The following AZIN2 variants were observed in gnomAD, a reference collection of about 807,000 sequenced individuals.
The protein encoded by AZIN2 is ODC antizyme inhibitor-2.
In AZIN2, 28 loss-of-function variants were observed where a neutral mutation model predicts 47.8. The observed-to-expected ratio is 0.59, with a 90% CI of 0.43 to 0.80. The LOEUF is 0.80. Ranked by LOEUF, AZIN2 falls within the 30% of genes least tolerant of loss-of-function variation. The pLI is 0.00. For synonymous variants in AZIN2, 221 were observed against 239.4 expected (o/e 0.92, Z 0.71); for missense variants, 535 against 582.5 (o/e 0.92, Z 0.84).
chr1:33,161,058 T>C, the AZIN2 span, among the ~76,000 whole-genome samples: 2 of 152,274 alleles, frequency 1.3e-5, no homozygotes, highest in South Asian at 2.1e-4. This position sits in a 1 kb window ranked among gnomAD's most constrained non-coding sequence, Gnocchi z 4.3. Flanking sequence ...GCCTAAGAGC[T>C]GTGAACCTTA....
the AZIN2 span, among the ~76,000 whole-genome samples, chr1:33,135,103 T>G: frequency 6.6e-6 from 1 of 152,124 alleles, no homozygotes. Context: ...CTGGCCAACA[T>G]GGTGAAACCC....
the AZIN2 span, chr1:33,147,509 C>T: frequency 3.1e-6 from 5 of 1,613,396 alleles, no homozygotes; most frequent in South Asian, 1.1e-5. The surrounding 1 kb of genome is among the most constrained non-coding windows in gnomAD (Gnocchi z 8.1). Flanking sequence ...TGTGCCAGCC[C>T]GATCACCCAC....
At chr1:33,086,185 T>A (rs924944545) in intron 5 of AZIN2, among the ~76,000 whole-genome samples, 3 of 152,180 alleles carry the variant, frequency 2.0e-5, no homozygotes, top group African/African-American at 7.2e-5. Flanking sequence ...CACGATCTCA[T>A]TTTATTCTCA....
rs1212250710 is a variant in AZIN2 at position 33,081,701 on chromosome 1, G to A, written c.-184G>A. ...CCCCATTTACAATTGGGGAAACTGC[G>A]GCTCCGAAAGGGTCAGAGGGTACCC... On this transcript the variant is annotated 5_prime_UTR_variant, in exon 3 of 12. Coordinates refer to ENST00000294517, the MANE Select transcript of AZIN2 (RefSeq NM_052998.4). This position sits in a 1 kb window ranked among gnomAD's most constrained non-coding sequence, Gnocchi z 4.2. 2.9e-5 allele frequency: 5 copies of A among 170,728 alleles called. No individual in the cohort carries two copies. Among genetic ancestry groups the A allele is most frequent in the Non-Finnish European group, 5.1e-5 (4 of 77,830 alleles). 10.6% of individuals were successfully genotyped at this position (170,728 alleles called of 1,614,324 possible). A position where few individuals can be genotyped will look rare whatever the true frequency, so the allele number is the denominator to read the frequency against.
intron 5 of AZIN2, among the ~76,000 whole-genome samples, chr1:33,089,275 C>A (rs1642265146): frequency 6.6e-6 from 1 of 152,064 alleles, no homozygotes; most frequent in Non-Finnish European, 1.5e-5. Context: ...ATAGGATATG[C>A]CTTCAATGAA....
the AZIN2 span, chr1:33,146,488 T>A: frequency 6.3e-6 from 1 of 159,514 alleles, no homozygotes; most frequent in Non-Finnish European, 1.4e-5. Context: ...CAGCTTTGGG[T>A]ATACCCTCAC....
chr1:33,095,904 C>T (rs1157425259), intron 8 of AZIN2, among the ~76,000 whole-genome samples: 1 of 152,162 alleles, frequency 6.6e-6, no homozygotes, highest in Admixed American at 6.5e-5. Flanking sequence ...GTGGCACAAT[C>T]TTGGCTCACT....
chr1:33,119,283 G>C (rs775174080), intron 11 of AZIN2: 2 of 154,374 alleles, frequency 1.3e-5, no homozygotes, highest in African/African-American at 2.4e-5. Flanking sequence ...CAGGGCCTGA[G>C]AGCAGAGGGA....
At chr1:33,147,228 G>A in the AZIN2 span, 8 of 1,614,010 alleles carry the variant, frequency 5.0e-6, no homozygotes, top group East Asian at 4.5e-5. The surrounding 1 kb of genome is among the most constrained non-coding windows in gnomAD (Gnocchi z 8.1). Context: ...TGCCATTGGC[G>A]TGGCTCTGGC....
intron 10 of AZIN2, among the ~76,000 whole-genome samples, chr1:33,114,509 ATGCCCGGCTAATTTTT>A (rs1374159545): frequency 2.7e-5 from 4 of 150,926 alleles, no homozygotes; most frequent in Non-Finnish European, 5.9e-5. Context: ...GCCCGCCACC[ATGCCCGGCTAATTTTT>A]TGTATTTTTA....
the AZIN2 span, among the ~76,000 whole-genome samples, chr1:33,135,635 T>G: frequency 1.3e-5 from 2 of 152,222 alleles, no homozygotes; most frequent in Non-Finnish European, 2.9e-5. Context: ...TCAAACATGC[T>G]GTTCCTCCTT....
chr1:33,133,057 G>A, the AZIN2 span, among the ~76,000 whole-genome samples: 6 of 152,222 alleles, frequency 3.9e-5, no homozygotes, highest in African/African-American at 1.2e-4. Flanking sequence ...GGTTCCCTGC[G>A]GAGGCCCCAT....
intron 11 of AZIN2, chr1:33,118,965 C>T (rs749093459): frequency 3.3e-5 from 5 of 152,350 alleles, no homozygotes; most frequent in African/African-American, 7.2e-5. Flanking sequence ...TCTGAGGTCA[C>T]GCAGCTAGTC....
chr1:33,165,557 T>A, the AZIN2 span: 1 of 1,608,016 alleles, frequency 6.2e-7, no homozygotes, highest in Non-Finnish European at 8.5e-7. The surrounding 1 kb of genome is among the most constrained non-coding windows in gnomAD (Gnocchi z 4.0). Flanking sequence ...AGTTGGTCCT[T>A]CAGCTCCCTC....
At chr1:33,099,094 C>T (rs1274647654) in intron 10 of AZIN2, among the ~76,000 whole-genome samples, 1 of 152,056 alleles carries the variant, frequency 6.6e-6, no homozygotes, top group Non-Finnish European at 1.5e-5. Context: ...TTGTGCAGCC[C>T]CTCTTCCTGG....
chr1:33,095,650 G>A (rs962768726), intron 8 of AZIN2, among the ~76,000 whole-genome samples: 4 of 151,778 alleles, frequency 2.6e-5, no homozygotes, highest in Admixed American at 6.6e-5. Context: ...TTTGAACAAC[G>A]CAGAGCTTAG....
intron 9 of AZIN2, 82 bp from the exon 10 acceptor site, chr1:33,097,985 A>T: frequency 1.0e-6 from 1 of 1,005,012 alleles, no homozygotes; most frequent in Non-Finnish European, 1.6e-6. Flanking sequence ...TTGCTTCCTT[A>T]CTGAGCCCAC....
chr1:33,094,458 A>T (rs901445049), intron 7 of AZIN2, 90 bp from the exon 8 acceptor site: 1 of 1,353,716 alleles, frequency 7.4e-7, no homozygotes, highest in Non-Finnish European at 1.0e-6. Flanking sequence ...ACAGTGTCTC[A>T]TGTGCCTGCC....
chr1:33,119,843 G>C (rs1322434461), intron 11 of AZIN2: 7 of 618,512 alleles, frequency 1.1e-5, no homozygotes, highest in African/African-American at 1.8e-5. Context: ...GATACATGTG[G>C]ATTTCTTTCC....
Sources: allele counts gnomAD v4.1 joint callset (sites outside exome capture counted in the v4.1 genomes callset), GRCh38; gene constraint gnomAD v4.1.1; non-coding constraint Gnocchi (gnomAD v3.1); transcripts MANE v1.5; gene names NCBI Gene and HGNC (gene_info 2026-07-23, HGNC 2026-07-21).